ABLIM1: variants seen among roughly 807,000 people sequenced by gnomAD.
ABLIM1 encodes the protein actin-binding LIM protein 1.
In ABLIM1, 40 loss-of-function variants were observed where a neutral mutation model predicts 107.0. That is an observed-to-expected ratio of 0.37 (90% confidence interval 0.29 to 0.49). The LOEUF (loss-of-function observed/expected upper bound fraction) is 0.49. ABLIM1 is among the 20% of genes least tolerant of loss of function. ABLIM1 has a pLI of 0.97. For missense variants in ABLIM1, 857 were observed against 1,008.5 expected, an observed-to-expected ratio of 0.85 and a Z score of 2.04; for synonymous variants, 357 against 357.3, an observed-to-expected ratio of 1.00 and a Z score of 0.01.
chr10:114,485,295 A>G, intron 8 of ABLIM1: 1 of 1,608,148 alleles, frequency 6.2e-7, no homozygotes, highest in Non-Finnish European at 8.5e-7. Flanking sequence ...CACAATGCCA[A>G]CCTGCAGAGA....
chr10:114,557,012 C>T (rs1361222029), intron 4 of ABLIM1, among the ~76,000 whole-genome samples: 1 of 152,110 alleles, frequency 6.6e-6, no homozygotes, highest in East Asian at 1.9e-4. Flanking sequence ...CTGCCATTAG[C>T]CAGAAAAGCA....
upstream of ABLIM1, among the ~76,000 whole-genome samples, chr10:114,772,787 T>C (rs539843399): frequency 2.5e-4 from 38 of 152,120 alleles, no homozygotes; most frequent in African/African-American, 8.4e-4. Context: ...TCCCAGATAA[T>C]ACATATAAAA....
At chr10:114,660,581 T>C (rs1206427676), upstream of ABLIM1, among the ~76,000 whole-genome samples, 2 of 152,180 alleles carry the variant, frequency 1.3e-5, no homozygotes, top group Non-Finnish European at 2.9e-5. Flanking sequence ...GAGGGCCACC[T>C]CAGCCCTACC....
At chr10:114,553,224 C>T (rs757080351) in intron 4 of ABLIM1, among the ~76,000 whole-genome samples, 1 of 152,150 alleles carries the variant, frequency 6.6e-6, no homozygotes, top group Non-Finnish European at 1.5e-5. Context: ...AGCTAAACTC[C>T]CAGCCACCGC....
At chr10:114,800,388 C>T in the ABLIM1 span, among the ~76,000 whole-genome samples, 7,853 of 152,196 alleles carry the variant, frequency 0.052, 668 homozygotes, top group African/African-American at 0.18. Context: ...GTGAAGAAAC[C>T]ATTTACTATT....
At chr10:114,485,986 T>C (rs1244328364) in intron 8 of ABLIM1, among the ~76,000 whole-genome samples, 2 of 152,208 alleles carry the variant, frequency 1.3e-5, no homozygotes, top group Non-Finnish European at 2.9e-5. Context: ...TCCTCACTTC[T>C]GAGCTTTCCA....
At chr10:114,488,131 T>G in intron 7 of ABLIM1, 115 bp from the exon 8 acceptor site, 1 of 1,102,370 alleles carries the variant, frequency 9.1e-7, no homozygotes. Context: ...AGGAAGGTGT[T>G]ATTGCTTTAT....
chr10:114,609,812 G>A (rs187504727), intron 1 of ABLIM1, among the ~76,000 whole-genome samples: 4 of 152,256 alleles, frequency 2.6e-5, no homozygotes, highest in Admixed American at 2.0e-4. Flanking sequence ...GATGTTCCAG[G>A]CACTATAACA....
chr10:114,542,144 C>T (rs1472353033), intron 6 of ABLIM1, among the ~76,000 whole-genome samples: 1 of 152,116 alleles, frequency 6.6e-6, no homozygotes, highest in Non-Finnish European at 1.5e-5. Context: ...CTTGGTTGCT[C>T]ATGCCTGTAA....
At chr10:114,504,896 TAAGAG>T (rs1166164833) in intron 6 of ABLIM1, among the ~76,000 whole-genome samples, 2 of 152,326 alleles carry the variant, frequency 1.3e-5, no homozygotes, top group East Asian at 1.9e-4. Flanking sequence ...GCTGTGTAGA[TAAGAG>T]AAATGTTAAT....
intron 12 of ABLIM1, 149 bp from the exon 13 acceptor site, chr10:114,453,632 T>C (rs969061520): frequency 5.6e-6 from 4 of 716,290 alleles, no homozygotes; most frequent in Non-Finnish European, 8.8e-6. Flanking sequence ...ATTTATCAAC[T>C]TGACTTGCAA....
At chr10:114,522,080 G>C (rs764182064) in intron 6 of ABLIM1, among the ~76,000 whole-genome samples, 1 of 152,176 alleles carries the variant, frequency 6.6e-6, no homozygotes, top group African/African-American at 2.4e-5. Flanking sequence ...GACAGTGTCT[G>C]TGCTTGAGGG....
chr10:114,484,425 C>A (rs2057873065), intron 8 of ABLIM1, among the ~76,000 whole-genome samples: 1 of 152,146 alleles, frequency 6.6e-6, no homozygotes, highest in Non-Finnish European at 1.5e-5. Context: ...CTCTGTCATC[C>A]CGGCTGGAGT....
chr10:114,607,082 G>A (rs1050363258), intron 1 of ABLIM1, among the ~76,000 whole-genome samples: 1 of 151,426 alleles, frequency 6.6e-6, no homozygotes, highest in Admixed American at 6.6e-5. Flanking sequence ...TTTATTTTTC[G>A]AGACTGAGTT....
intron 6 of ABLIM1, among the ~76,000 whole-genome samples, chr10:114,530,434 C>T (rs779737956): frequency 6.6e-6 from 1 of 152,098 alleles, no homozygotes; most frequent in Non-Finnish European, 1.5e-5. Flanking sequence ...GGAGTTTATA[C>T]TTAAACAGAT....
intron 1 of ABLIM1, among the ~76,000 whole-genome samples, chr10:114,693,175 G>A (rs918338220): frequency 1.3e-5 from 2 of 152,188 alleles, no homozygotes; most frequent in African/African-American, 2.4e-5. Context: ...GGTGAGGGAT[G>A]CAGCGCGGGG....
upstream of ABLIM1, among the ~76,000 whole-genome samples, chr10:114,770,653 TCTG>T (rs2083012652): frequency 2.0e-5 from 3 of 152,194 alleles, no homozygotes; most frequent in Admixed American, 2.0e-4. Context: ...CACACTGCTT[TCTG>T]CTGCTGTTTA....
intron 6 of ABLIM1, among the ~76,000 whole-genome samples, chr10:114,496,813 G>A (rs534341732): frequency 6.6e-6 from 1 of 152,320 alleles, no homozygotes; most frequent in South Asian, 2.1e-4. Flanking sequence ...GCATTGAGGA[G>A]TCGTTCTGTT....
At chr10:114,509,677 T>C (rs1007743887) in intron 6 of ABLIM1, among the ~76,000 whole-genome samples, 1 of 152,212 alleles carries the variant, frequency 6.6e-6, no homozygotes, top group Non-Finnish European at 1.5e-5. Context: ...TGCAGTCTGG[T>C]CTCAATCTAC....
Sources: allele counts gnomAD v4.1 joint callset (sites outside exome capture counted in the v4.1 genomes callset), GRCh38; gene constraint gnomAD v4.1.1; transcripts MANE v1.5; gene names NCBI Gene and HGNC (gene_info 2026-07-23, HGNC 2026-07-21).